IQGAP2: variants seen among roughly 807,000 people sequenced by gnomAD.
IQGAP2 encodes the protein ras GTPase-activating-like protein IQGAP2.
A neutral mutation model predicts 201.3 loss-of-function variants in IQGAP2; 173 were observed. That is an observed-to-expected ratio of 0.86 (90% CI 0.76 to 0.98). The LOEUF (loss-of-function observed/expected upper bound fraction) is 0.98, where lower values mean the gene tolerates loss of function less well. Among genes scored for constraint, IQGAP2 ranks in the 50% least tolerant of loss-of-function variants. The probability of loss-of-function intolerance (pLI) is 0.00; values close to 1 mark genes in which losing one functional copy is unlikely to be tolerated. For synonymous variants in IQGAP2, 675 were observed against 673.9 expected (o/e 1.00, Z -0.03); for missense variants, 1,687 against 1,864.8 (o/e 0.90, Z 1.76).
In IQGAP2 at chr5:76,611,065, A is replaced by T. The variant is rs766263686; in HGVS notation, c.1403A>T (p.Asn468Ile). 6.2e-7 allele frequency: 1 copy of T among 1,613,866 alleles called. No homozygotes were observed. Among genetic ancestry groups the T allele is most frequent in the South Asian group, 1.1e-5 (1 of 91,060 alleles). Residue 468 changes from asparagine to isoleucine, a missense_variant, in exon 13 of 36, where the codon AAT becomes ATT. Asn to Ile is a moderately radical substitution (Grantham distance 149). Transcript: ENST00000274364. ...GYINEAIDEGNPLRTLETLLL... is the reference protein window; with the variant it reads ...GYINEAIDEGIPLRTLETLLL... ...ATCAATGAAGCTATTGATGAAGGGAATCCTTTGAGGACTTTAGAAACTTTG... is the reference window on the plus strand; with the variant it reads ...ATCAATGAAGCTATTGATGAAGGGATTCCTTTGAGGACTTTAGAAACTTTG...
At chr5:76,623,149 C>A in intron 13 of IQGAP2, 1 of 1,613,610 alleles carries the variant, frequency 6.2e-7, no homozygotes. Context: ...CATCCTACCC[C>A]CTGAGAAAAT....
intron 2 of IQGAP2, among the ~76,000 whole-genome samples, chr5:76,520,285 A>C (rs899052895): frequency 6.6e-6 from 1 of 151,916 alleles, no homozygotes; most frequent in Non-Finnish European, 1.5e-5. Flanking sequence ...TGAAAAGACT[A>C]CTCCTTCTCC....
At chr5:76,478,217 T>C (rs1216831642) in intron 2 of IQGAP2, among the ~76,000 whole-genome samples, 1 of 151,640 alleles carries the variant, frequency 6.6e-6, no homozygotes, top group African/African-American at 2.4e-5. Context: ...CTGGCCAACA[T>C]GGCAAAACCC....
At chr5:76,475,673 A>C (rs960715398) in intron 2 of IQGAP2, among the ~76,000 whole-genome samples, 5 of 152,158 alleles carry the variant, frequency 3.3e-5, no homozygotes, top group Non-Finnish European at 7.4e-5. Flanking sequence ...AATCTCAACC[A>C]AATTCCTTTT....
intron 1 of IQGAP2, among the ~76,000 whole-genome samples, chr5:76,452,187 T>C (rs1054166212): frequency 2.7e-5 from 4 of 150,060 alleles, no homozygotes; most frequent in Non-Finnish European, 5.9e-5. Context: ...AGTGCTGGGA[T>C]TATAGGCGTG....
chr5:76,629,470 C>T (rs1580666174), intron 14 of IQGAP2, among the ~76,000 whole-genome samples: 1 of 152,168 alleles, frequency 6.6e-6, no homozygotes, highest in African/African-American at 2.4e-5. Context: ...TGTTCACATT[C>T]ACTGGAGTAT....
At chr5:76,416,980 C>A (rs73116016) in intron 1 of IQGAP2, among the ~76,000 whole-genome samples, 1 of 152,000 alleles carries the variant, frequency 6.6e-6, no homozygotes, top group Non-Finnish European at 1.5e-5. Flanking sequence ...AGGCATGCAC[C>A]GCTATGCCCA....
intron 2 of IQGAP2, among the ~76,000 whole-genome samples, chr5:76,467,600 A>ATAT (rs1491447419): frequency 6.6e-6 from 1 of 152,226 alleles, no homozygotes; most frequent in African/African-American, 2.4e-5. Flanking sequence ...AAAATTAAAC[A>ATAT]GAGTTACCAT....
At chr5:76,530,250 T>C (rs1759217722) in intron 2 of IQGAP2, among the ~76,000 whole-genome samples, 1 of 152,140 alleles carries the variant, frequency 6.6e-6, no homozygotes, top group East Asian at 1.9e-4. Context: ...TTCCAGCCAT[T>C]AAAAAATCTA....
intron 2 of IQGAP2, among the ~76,000 whole-genome samples, chr5:76,488,922 C>T (rs1010466753): frequency 2.6e-4 from 40 of 152,318 alleles, no homozygotes; most frequent in African/African-American, 9.1e-4. Context: ...GTCCTATCCA[C>T]TGTTAAGTCC....
intron 13 of IQGAP2, among the ~76,000 whole-genome samples, chr5:76,626,663 G>A (rs1390869755): frequency 6.6e-6 from 1 of 152,088 alleles, no homozygotes; most frequent in Non-Finnish European, 1.5e-5. Flanking sequence ...TTGTCTCTGT[G>A]TCTGATAAAT....
Position 76,598,000 on chromosome 5 carries a change from C to T in IQGAP2, c.1071+398C>T, listed in dbSNP as rs116132413. On this transcript the variant is annotated intron_variant, in intron 10 of 35. Coordinates refer to ENST00000274364, the MANE Select transcript of IQGAP2 (RefSeq NM_006633.5). ...TAGAAACTGCAAATAAGACCATTAG[C>T]ACCATGGCTTTGATTTTTGTGAACT... Among the ~76,000 whole-genome samples, 1,049 of 152,212 alleles carry T rather than the reference C, an allele frequency of 6.9e-3. 4 individuals are homozygous for T. The highest frequency in any genetic ancestry group is 0.014 in the Middle Eastern group (4 of 294).
intron 13 of IQGAP2, chr5:76,618,297 A>G (rs1323130507): frequency 2.5e-6 from 4 of 1,614,204 alleles, no homozygotes; most frequent in African/African-American, 1.3e-5. Context: ...AAAATCTGCA[A>G]TGGCCAGGTT....
chr5:76,583,706 T>C (rs2150296065), intron 5 of IQGAP2, among the ~76,000 whole-genome samples: 1 of 152,298 alleles, frequency 6.6e-6, no homozygotes, highest in Non-Finnish European at 1.5e-5. Context: ...TAATATTACA[T>C]TGTACAATGG....
At position 76,569,432 on chromosome 5, in the gene IQGAP2, C is replaced by CA. The variant is rs35438972; in HGVS notation, c.304-1137dup. ...TAAAATAAAGCTGTTATGAACACTG[C>CA]AAAAAAAAAAATAGGAATGATAATT... On this transcript the variant is annotated intron_variant, in intron 3 of 35. Transcript: ENST00000274364. Among the ~76,000 whole-genome samples the CA allele has an allele frequency of 4.7e-3, 695 of 148,668 alleles. 5 individuals carry two copies. Among genetic ancestry groups the CA allele is most frequent in the East Asian group, 0.019 (97 of 5,120 alleles).
chr5:76,540,055 G>C (rs764562791), intron 2 of IQGAP2, among the ~76,000 whole-genome samples: 3 of 152,114 alleles, frequency 2.0e-5, no homozygotes, highest in Non-Finnish European at 4.4e-5. Context: ...TTAATTAGCT[G>C]CAGGAATTGG....
intron 1 of IQGAP2, among the ~76,000 whole-genome samples, chr5:76,429,962 G>T (rs946869638): frequency 2.0e-5 from 3 of 151,980 alleles, no homozygotes; most frequent in African/African-American, 7.3e-5. Context: ...TAGGTAGAGA[G>T]AGTAGATATC....
intron 2 of IQGAP2, among the ~76,000 whole-genome samples, chr5:76,528,689 A>G (rs1759110126): frequency 6.6e-6 from 1 of 152,206 alleles, no homozygotes; most frequent in Non-Finnish European, 1.5e-5. Flanking sequence ...TTTTTCTTGT[A>G]GCAAGGCTTC....
intron 13 of IQGAP2, chr5:76,618,068 T>G (rs200748550): frequency 2.5e-5 from 41 of 1,613,954 alleles, no homozygotes; most frequent in Non-Finnish European, 3.4e-5. Flanking sequence ...CCAGTCCACA[T>G]GTTACCAAGG....
Sources: allele counts gnomAD v4.1 joint callset (sites outside exome capture counted in the v4.1 genomes callset), GRCh38; gene constraint gnomAD v4.1.1; transcripts MANE v1.5; gene names NCBI Gene and HGNC (gene_info 2026-07-23, HGNC 2026-07-21).